The following FBXL7 variants were observed in gnomAD, a reference collection of about 807,000 sequenced individuals.
The protein encoded by FBXL7 is F-box/LRR-repeat protein 7.
A neutral mutation model predicts 38.3 loss-of-function variants in FBXL7; 12 were observed. The ratio of observed to expected loss-of-function variants is 0.31; its 90% CI spans 0.20 to 0.51. The LOEUF is 0.51. FBXL7 is among the 20% of genes least tolerant of loss of function. The pLI is 0.98. For missense variants in FBXL7, 567 were observed against 676.4 expected (o/e 0.84, Z 1.79); for synonymous variants, 297 against 300.9 (o/e 0.99, Z 0.13).
chr5:15,749,614 G>A (rs916813417), intron 2 of FBXL7, among the ~76,000 whole-genome samples: 4 of 152,014 alleles, frequency 2.6e-5, no homozygotes, highest in Admixed American at 1.3e-4. Flanking sequence ...GGGACAGAGC[G>A]AGACTCCGTC....
chr5:15,516,734 C>T (rs544452614), intron 1 of FBXL7, among the ~76,000 whole-genome samples: 19 of 152,252 alleles, frequency 1.2e-4, no homozygotes, highest in African/African-American at 4.3e-4. Flanking sequence ...CTTCATGCTG[C>T]TGTTCTCGTG....
At chr5:15,570,169 C>T (rs1738726849) in intron 1 of FBXL7, among the ~76,000 whole-genome samples, 1 of 152,134 alleles carries the variant, frequency 6.6e-6, no homozygotes, top group African/African-American at 2.4e-5. Context: ...GGAATGGTAC[C>T]AGCTCCTCCT....
At chr5:15,533,903 A>G (rs1238596618) in intron 1 of FBXL7, among the ~76,000 whole-genome samples, 1 of 152,182 alleles carries the variant, frequency 6.6e-6, no homozygotes, top group Non-Finnish European at 1.5e-5. Context: ...TTTGGGGAGT[A>G]TTGAACAAAA....
intron 2 of FBXL7, among the ~76,000 whole-genome samples, chr5:15,695,287 C>T (rs574357446): frequency 2.6e-5 from 4 of 152,094 alleles, no homozygotes; most frequent in East Asian, 3.9e-4. Context: ...TCAGACCCTC[C>T]CTGGACACCA....
intron 2 of FBXL7, among the ~76,000 whole-genome samples, chr5:15,759,907 C>T (rs1488295269): frequency 6.6e-6 from 1 of 152,214 alleles, no homozygotes; most frequent in Admixed American, 6.5e-5. Context: ...TATAGTACCT[C>T]CTACACCTTT....
At chr5:15,822,490 G>A (rs1243086499) in intron 2 of FBXL7, among the ~76,000 whole-genome samples, 5 of 152,148 alleles carry the variant, frequency 3.3e-5, no homozygotes, top group African/African-American at 1.2e-4. Context: ...GTAAGCCCTG[G>A]ATTAAGAAGC....
intron 2 of FBXL7, among the ~76,000 whole-genome samples, chr5:15,919,438 T>C (rs1443559273): frequency 4.0e-5 from 6 of 149,022 alleles, no homozygotes. Context: ...GGATTTTTTT[T>C]CCCCAGAAAA....
intron 2 of FBXL7, among the ~76,000 whole-genome samples, chr5:15,659,299 A>G (rs1290932440): frequency 6.6e-6 from 1 of 152,228 alleles, no homozygotes; most frequent in Non-Finnish European, 1.5e-5. Context: ...AAATGCAAGT[A>G]GAAAGCTACA....
At chr5:15,769,405 T>C (rs375800086) in intron 2 of FBXL7, among the ~76,000 whole-genome samples, 1 of 152,202 alleles carries the variant, frequency 6.6e-6, no homozygotes, top group East Asian at 1.9e-4. Flanking sequence ...CAGGATGAGA[T>C]GGAGAAATCC....
At chr5:15,724,228 A>T (rs766775919) in intron 2 of FBXL7, among the ~76,000 whole-genome samples, 1 of 152,132 alleles carries the variant, frequency 6.6e-6, no homozygotes, top group Non-Finnish European at 1.5e-5. Context: ...CAAAGGTGTA[A>T]TCTTATAGTG....
intron 1 of FBXL7, among the ~76,000 whole-genome samples, chr5:15,537,325 T>C (rs2126401699): frequency 6.6e-6 from 1 of 152,330 alleles, no homozygotes; most frequent in African/African-American, 2.4e-5. Context: ...AGCAGCATTT[T>C]TAAGAAGAAG....
chr5:15,852,027 G>T (rs1739112302), intron 2 of FBXL7, among the ~76,000 whole-genome samples: 1 of 152,056 alleles, frequency 6.6e-6, no homozygotes, highest in Non-Finnish European at 1.5e-5. Context: ...TCCTTTGCAT[G>T]CCCTGTCAAT....
At chr5:15,674,944 C>G (rs1293999138) in intron 2 of FBXL7, among the ~76,000 whole-genome samples, 1 of 152,186 alleles carries the variant, frequency 6.6e-6, no homozygotes, top group Non-Finnish European at 1.5e-5. Flanking sequence ...ATTCACAGCA[C>G]TGCAGACATG....
At chr5:15,819,149 T>A (rs1438324127) in intron 2 of FBXL7, among the ~76,000 whole-genome samples, 1 of 152,202 alleles carries the variant, frequency 6.6e-6, no homozygotes, top group Non-Finnish European at 1.5e-5. Flanking sequence ...AGTATCTCTG[T>A]CGCAGCTACT....
intron 2 of FBXL7, among the ~76,000 whole-genome samples, chr5:15,869,466 G>A (rs72736137): frequency 0.029 from 4,355 of 152,198 alleles, 73 homozygotes; most frequent in Middle Eastern, 0.044. Flanking sequence ...CTTCTTTCAC[G>A]CAAGAATTGT....
At chr5:15,620,194 A>T (rs1284790945) in intron 2 of FBXL7, among the ~76,000 whole-genome samples, 5 of 151,384 alleles carry the variant, frequency 3.3e-5, no homozygotes, top group Non-Finnish European at 7.4e-5. Flanking sequence ...TGATCTTCAG[A>T]CTTATATCTG....
At chr5:15,905,361 TA>T (rs1741330823) in intron 2 of FBXL7, among the ~76,000 whole-genome samples, 1 of 152,220 alleles carries the variant, frequency 6.6e-6, no homozygotes, top group East Asian at 1.9e-4. Context: ...CAAAGAGGAC[TA>T]ATCTATTGCT....
At chr5:15,776,318 G>C (rs898904745) in intron 2 of FBXL7, among the ~76,000 whole-genome samples, 2 of 151,902 alleles carry the variant, frequency 1.3e-5, no homozygotes, top group African/African-American at 2.4e-5. Flanking sequence ...ATTTTGCTCA[G>C]GGCACACCTC....
intron 2 of FBXL7, among the ~76,000 whole-genome samples, chr5:15,813,665 G>A (rs1392970987): frequency 2.6e-5 from 4 of 152,156 alleles, no homozygotes; most frequent in East Asian, 3.9e-4. Flanking sequence ...GAAAATTTTT[G>A]CAATCTACCC....
Sources: gnomAD v4.1 joint callset for allele counts (sites outside exome capture counted in the v4.1 genomes callset) on GRCh38, gnomAD v4.1.1 for gene constraint, MANE v1.5 for transcripts, NCBI Gene and HGNC (gene_info 2026-07-23, HGNC 2026-07-21) for gene names.